The following GRID1 variants were observed in gnomAD, a reference collection of about 807,000 sequenced individuals.
GRID1 encodes glutamate receptor ionotropic, delta-1.
Under a neutral mutation model 98.0 loss-of-function variants are expected in GRID1, and 28 were observed. The ratio of observed to expected loss-of-function variants is 0.29; its 90% confidence interval spans 0.21 to 0.39. GRID1 has a LOEUF of 0.39. GRID1 is among the 10% of genes least tolerant of loss of function. The pLI is 1.00. For synonymous variants in GRID1, 553 were observed against 538.5 expected, an observed-to-expected ratio of 1.03 and a Z score of -0.37; for missense variants, 1,111 against 1,340.5, an observed-to-expected ratio of 0.83 and a Z score of 2.67.
At chr10:86,024,823 G>T (rs1346254871) in intron 4 of GRID1, among the ~76,000 whole-genome samples, 1 of 152,180 alleles carries the variant, frequency 6.6e-6, no homozygotes, top group African/African-American at 2.4e-5. Context: ...CTAGCCCAGG[G>T]AAACAGTGGG....
In GRID1 at chr10:85,937,438, C is replaced by G. The variant is rs1391831740; in HGVS notation, c.727-21199G>C. Among the ~76,000 whole-genome samples, 3 of 152,176 alleles carry G rather than the reference C, an allele frequency of 2.0e-5. No homozygotes were observed. In the East Asian group the frequency reaches 5.8e-4, roughly 29 times the overall value. ...CCCACCTGTGTTCATCAGAAAAGGACCATTTCTCTCTGTATCCAGCCGAGT... is the reference window on the plus strand; with the variant it reads ...CCCACCTGTGTTCATCAGAAAAGGAGCATTTCTCTCTGTATCCAGCCGAGT... On this transcript the variant is annotated intron_variant, in intron 4 of 15. Transcript: ENST00000327946.
In GRID1 at chr10:85,989,944, G is replaced by A. The variant is rs191851424; in HGVS notation, c.727-73705C>T. Among the ~76,000 whole-genome samples, 896 of 152,238 alleles carry A rather than the reference G, an allele frequency of 5.9e-3. 5 individuals carry two copies. Among genetic ancestry groups the A allele is most frequent in the Non-Finnish European group, 7.3e-3 (497 of 68,012 alleles). On this transcript the variant is annotated intron_variant, in intron 4 of 15. Coordinates refer to ENST00000327946, the MANE Select transcript of GRID1 (RefSeq NM_017551.3). ...GCCTTATAAAAAGAAGCCCCAGGTT[G>A]CTCCCTTGCCCCTTCAGCCCTGTGA... is the stretch of plus-strand genomic sequence containing the variant.
At chr10:86,034,648 C>G (rs1843230515) in intron 4 of GRID1, among the ~76,000 whole-genome samples, 1 of 151,722 alleles carries the variant, frequency 6.6e-6, no homozygotes, top group Non-Finnish European at 1.5e-5. Flanking sequence ...TCCCTGGGCT[C>G]CCCTGGCATC....
chr10:85,954,460 C>T (rs1842164227), intron 4 of GRID1, among the ~76,000 whole-genome samples: 1 of 152,098 alleles, frequency 6.6e-6, no homozygotes, highest in African/African-American at 2.4e-5. Flanking sequence ...GCCTAAGTCA[C>T]AAATATAGGA....
At chr10:86,236,038 C>T (rs772717254) in intron 2 of GRID1, among the ~76,000 whole-genome samples, 1 of 152,194 alleles carries the variant, frequency 6.6e-6, no homozygotes, top group Non-Finnish European at 1.5e-5. Context: ...TCCAGTTGCT[C>T]CACATTCTCA....
intron 2 of GRID1, among the ~76,000 whole-genome samples, chr10:86,309,941 A>G (rs112179091): frequency 3.3e-5 from 5 of 152,222 alleles, no homozygotes; most frequent in African/African-American, 9.6e-5. Flanking sequence ...GCTCTTCTCC[A>G]TCTCTCCCTC....
chr10:86,149,017 C>T (rs770383037), intron 3 of GRID1, among the ~76,000 whole-genome samples: 16 of 152,194 alleles, frequency 1.1e-4, no homozygotes, highest in Non-Finnish European at 1.3e-4. Flanking sequence ...AGATGTTCAG[C>T]GGCTGTCAGC....
intron 4 of GRID1, among the ~76,000 whole-genome samples, chr10:85,986,271 G>A (rs970450314): frequency 6.6e-6 from 1 of 152,220 alleles, no homozygotes; most frequent in Non-Finnish European, 1.5e-5. Context: ...AGTTGTCTCA[G>A]ACCGCTTTTG....
intron 8 of GRID1, among the ~76,000 whole-genome samples, chr10:85,781,530 C>T (rs903753642): frequency 2.0e-5 from 3 of 152,060 alleles, no homozygotes; most frequent in African/African-American, 7.2e-5. Context: ...CAGTTGCAAA[C>T]GTGGTGGTTG....
At chr10:85,993,021 G>T (rs1842700430) in intron 4 of GRID1, among the ~76,000 whole-genome samples, 1 of 152,190 alleles carries the variant, frequency 6.6e-6, no homozygotes, top group Non-Finnish European at 1.5e-5. Flanking sequence ...GGAAGGGAAA[G>T]AAATGGTTTG....
intron 4 of GRID1, among the ~76,000 whole-genome samples, chr10:86,067,133 C>T (rs550183169): frequency 1.9e-4 from 29 of 152,314 alleles, no homozygotes; most frequent in Admixed American, 5.2e-4. Flanking sequence ...GATTTCCTAG[C>T]GTGAGATAAT....
chr10:85,925,693 G>T (rs1430642792), intron 4 of GRID1, among the ~76,000 whole-genome samples: 2 of 152,274 alleles, frequency 1.3e-5, no homozygotes, highest in Non-Finnish European at 2.9e-5. Flanking sequence ...TGCTGAAGGA[G>T]GGTGTGGAGC....
chr10:86,310,099 C>T (rs1400640874), intron 2 of GRID1, among the ~76,000 whole-genome samples: 1 of 152,242 alleles, frequency 6.6e-6, no homozygotes, highest in African/African-American at 2.4e-5. Flanking sequence ...GAGCCAGAAT[C>T]CTGTGCCCAG....
chr10:85,921,889 C>A (rs1841709792), intron 4 of GRID1, among the ~76,000 whole-genome samples: 1 of 152,212 alleles, frequency 6.6e-6, no homozygotes, highest in African/African-American at 2.4e-5. Context: ...CCCCAAGATA[C>A]TTCAATACAA....
intron 2 of GRID1, among the ~76,000 whole-genome samples, chr10:86,346,519 G>A (rs1442370917): frequency 6.6e-6 from 1 of 152,244 alleles, no homozygotes; most frequent in East Asian, 1.9e-4. Context: ...TAATGAGACT[G>A]TCAGGGGACT....
At chr10:86,056,446 C>A (rs1437185428) in intron 4 of GRID1, among the ~76,000 whole-genome samples, 1 of 152,222 alleles carries the variant, frequency 6.6e-6, no homozygotes, top group South Asian at 2.1e-4. Flanking sequence ...GAATTCTCAT[C>A]TCATTTCCAA....
chr10:85,934,518 G>C (rs948456212), intron 4 of GRID1, among the ~76,000 whole-genome samples: 8 of 152,122 alleles, frequency 5.3e-5, no homozygotes, highest in African/African-American at 9.6e-5. Context: ...ATTGGAGCCA[G>C]AGTCTGGGCT....
At chr10:85,889,064 C>G (rs970633089) in intron 5 of GRID1, among the ~76,000 whole-genome samples, 1 of 152,170 alleles carries the variant, frequency 6.6e-6, no homozygotes, top group African/African-American at 2.4e-5. Flanking sequence ...TTCTGCAGGT[C>G]TACTTGGATT....
chr10:85,880,107 C>A (rs1437501972), intron 5 of GRID1, among the ~76,000 whole-genome samples: 5 of 152,142 alleles, frequency 3.3e-5, no homozygotes, highest in Admixed American at 1.3e-4. Flanking sequence ...CAATAACAGG[C>A]TCTGAAATTG....
Sources: allele counts gnomAD v4.1 joint callset (sites outside exome capture counted in the v4.1 genomes callset), GRCh38; gene constraint gnomAD v4.1.1; transcripts MANE v1.5; gene names NCBI Gene and HGNC (gene_info 2026-07-23, HGNC 2026-07-21).